HKDC1: variants seen among roughly 807,000 people sequenced by gnomAD.
HKDC1 encodes hexokinase domain containing 1, also known as hexokinase HKDC1.
Under a neutral mutation model 96.6 loss-of-function variants are expected in HKDC1, and 66 were observed. That is an observed-to-expected ratio of 0.68 (90% CI 0.56 to 0.84). The LOEUF is 0.84. HKDC1 is among the 40% of genes least tolerant of loss of function. The pLI, the probability that HKDC1 is intolerant of heterozygous loss-of-function variation, is 0.00. For missense variants in HKDC1, 1,211 were observed against 1,208.1 expected, an observed-to-expected ratio of 1.00 and a Z score of -0.04; for synonymous variants, 466 against 473.1, an observed-to-expected ratio of 0.98 and a Z score of 0.20.
At chr10:69,228,909 GAGAAAGAAGAAAGAAAGGAA>G (rs1295215083) in intron 2 of HKDC1, among the ~76,000 whole-genome samples, 1 of 149,600 alleles carries the variant, frequency 6.7e-6, no homozygotes, top group Admixed American at 6.7e-5. Context: ...AAGAAAGAGA[GAGAAAGAAGAAAGAAAGGAA>G]AGAAAGAAGA....
At chr10:69,235,454 CA>C (rs1843346135) in intron 4 of HKDC1, among the ~76,000 whole-genome samples, 1 of 39,032 alleles carries the variant, frequency 2.6e-5, no homozygotes, top group Non-Finnish European at 4.3e-5. Flanking sequence ...CAACAACAAG[CA>C]AACAAAAAAC....
At chr10:69,239,862 C>T (rs1843428160) in intron 5 of HKDC1, among the ~76,000 whole-genome samples, 3 of 150,974 alleles carry the variant, frequency 2.0e-5, no homozygotes, top group Admixed American at 6.6e-5. Context: ...TCAAATGATC[C>T]TCCCACCTCA....
At chr10:69,248,841 G>C (rs1843589225) in intron 10 of HKDC1, 113 bp downstream of exon 10, 1 of 947,026 alleles carries the variant, frequency 1.1e-6, no homozygotes, top group South Asian at 1.8e-5. Context: ...CTCTAATGGA[G>C]GGCAAGAGTA....
rs1363202796 is a variant in HKDC1 at position 69,220,445 on chromosome 10, G to A, written c.10G>A (p.Val4Ile). 9 of 1,600,130 alleles carry A rather than the reference G, an allele frequency of 5.6e-6. No individual in the cohort carries two copies. The highest frequency in any genetic ancestry group is 7.7e-6 in the Non-Finnish European group (9 of 1,174,038). Reference sequence around the variant, plus strand: ...ACCAAACTTGGGGAAAATGTTTGCGGTCCACTTGATGGCATTTTACTTCAG... The same window carrying A: ...ACCAAACTTGGGGAAAATGTTTGCGATCCACTTGATGGCATTTTACTTCAG... Reference protein sequence around the residue: MFAVHLMAFYFSKL... With the variant: MFAIHLMAFYFSKL... Residue 4 changes from valine to isoleucine, a missense_variant, in exon 1 of 18, where the codon GTC (valine) becomes ATC (isoleucine). Val to Ile is a conservative substitution (Grantham distance 29). Transcript: ENST00000354624.
chr10:69,235,696 A>G (rs565635777), intron 4 of HKDC1, among the ~76,000 whole-genome samples: 2 of 152,334 alleles, frequency 1.3e-5, no homozygotes, highest in African/African-American at 2.4e-5. Flanking sequence ...GTGAGAATTC[A>G]TTCAACTTTA....
In HKDC1 at chr10:69,258,825, G is replaced by A. The variant is rs1344680370; in HGVS notation, c.2082G>A (p.Met694Ile). Reference protein sequence around the residue: ...CYMEDMRNIEMVEGGEGKMCI... With the variant: ...CYMEDMRNIEIVEGGEGKMCI... ...TGGAGGACATGAGGAACATCGAGATGGTGGAGGGGGGTGAAGGGAAGATGT... is the reference window on the plus strand; with the variant it reads ...TGGAGGACATGAGGAACATCGAGATAGTGGAGGGGGGTGAAGGGAAGATGT... The change falls in exon 15 of 18, where the codon ATG becomes ATA. Residue 694 changes from methionine to isoleucine, a missense_variant. Physicochemically the swap from Met to Ile is conservative, Grantham distance 10. Transcript: ENST00000354624. The A allele has an allele frequency of 9.3e-6, 15 of 1,613,978 alleles. No individual in the cohort carries two copies. The highest frequency in any genetic ancestry group is 1.3e-5 in the Non-Finnish European group (15 of 1,180,006).
At chr10:69,231,441 C>T (rs530589775) in intron 2 of HKDC1, among the ~76,000 whole-genome samples, 8 of 152,126 alleles carry the variant, frequency 5.3e-5, no homozygotes, top group Non-Finnish European at 8.8e-5. Flanking sequence ...TCACTCTTAG[C>T]GGATGCTTTC....
At chr10:69,260,910 T>C (rs1188713329) in intron 15 of HKDC1, among the ~76,000 whole-genome samples, 1 of 152,216 alleles carries the variant, frequency 6.6e-6, no homozygotes, top group Non-Finnish European at 1.5e-5. Context: ...TTTTGCTTAG[T>C]GCCCACTGTA....
In HKDC1 at chr10:69,227,379, G is replaced by A. The variant is rs368506496; in HGVS notation, c.226+10G>A. ...ATTCCCGATGGTTCCGGTGAGTGCA[G>A]TTGTCCGCTGCCAGGGTCCCTGGCT... is the stretch of plus-strand genomic sequence containing the variant. On this transcript the variant is annotated intron_variant, in intron 2 of 17. Transcript: ENST00000354624. The A allele has an allele frequency of 7.1e-4, 1,138 of 1,614,090 alleles. 4 individuals carry two copies. The highest frequency in any genetic ancestry group is 1.6e-3 in the South Asian group (149 of 91,084).
In HKDC1 at chr10:69,260,376, G is replaced by A. The variant is rs762568279; in HGVS notation, c.2217-763G>A. Among the ~76,000 whole-genome samples the A allele has an allele frequency of 6.6e-5, 10 of 152,206 alleles. No individual in the cohort carries two copies. The South Asian group carries it at 2.1e-3, about 31-fold the overall frequency. On this transcript the variant is annotated intron_variant, in intron 15 of 17. Transcript: ENST00000354624. Reference sequence around the variant, plus strand: ...CCTTCCCTTTGAATCCCAAGTTGGGGCACCTGAGTGTCATGGCTCTTCCCA... The same window carrying A: ...CCTTCCCTTTGAATCCCAAGTTGGGACACCTGAGTGTCATGGCTCTTCCCA...
At chr10:69,237,984 C>T (rs983650193) in intron 4 of HKDC1, among the ~76,000 whole-genome samples, 1 of 152,226 alleles carries the variant, frequency 6.6e-6, no homozygotes, top group African/African-American at 2.4e-5. Flanking sequence ...TTGGGCGATT[C>T]TCTTTTAACT....
intron 4 of HKDC1, among the ~76,000 whole-genome samples, chr10:69,233,897 C>A (rs866682741): frequency 6.2e-4 from 38 of 61,462 alleles, no homozygotes; most frequent in South Asian, 1.9e-3. Flanking sequence ...GACTCCGTCT[C>A]AAAAAAAAAA....
At chr10:69,257,277 TTCA>T in intron 13 of HKDC1, 47 bp from the exon 14 acceptor site, 2 of 1,551,770 alleles carry the variant, frequency 1.3e-6, no homozygotes, top group Non-Finnish European at 1.8e-6. Flanking sequence ...GGCTTGCACA[TTCA>T]ACTCATAGTA....
rs185399888 is a variant in HKDC1 at position 69,236,039 on chromosome 10, T to A, written c.495+2906T>A. 2.0e-5 allele frequency among the ~76,000 whole-genome samples: 3 copies of A among 151,706 alleles called. 1 individual carries two copies. The highest frequency in any genetic ancestry group is 7.3e-5 in the African/African-American group (3 of 41,330). On this transcript the variant is annotated intron_variant, in intron 4 of 17. Transcript: ENST00000354624. ...AGTAGCCCACCCCAAGTTCATAAGCTCCCCAACTACAGTGCCTTTCCAGAA... is the reference window on the plus strand; with the variant it reads ...AGTAGCCCACCCCAAGTTCATAAGCACCCCAACTACAGTGCCTTTCCAGAA...
Position 69,261,274 on chromosome 10 carries a change from G to T in HKDC1, c.2352G>T (p.Lys784Asn). ...RLRTRGIFET[K>N]FLSQIESDRL... Reference sequence around the variant, plus strand: ...GGACCAGGGGCATCTTCGAAACCAAGTTCCTGTCCCAGATCGAAAGGTGAC... The same window carrying T: ...GGACCAGGGGCATCTTCGAAACCAATTTCCTGTCCCAGATCGAAAGGTGAC... Residue 784 changes from lysine to asparagine, a missense_variant, in exon 16 of 18, where the codon AAG becomes AAT. Coordinates refer to ENST00000354624, the MANE Select transcript of HKDC1 (RefSeq NM_025130.4). 1 of 1,614,070 alleles carries T rather than the reference G, an allele frequency of 6.2e-7. No homozygotes were observed. The highest frequency in any genetic ancestry group is 8.5e-7 in the Non-Finnish European group (1 of 1,179,950).
In HKDC1 at chr10:69,248,599, C is replaced by G. The variant is rs1043037706; in HGVS notation, c.1441C>G (p.Arg481Gly). The change falls in exon 10 of 18, where the codon CGA (arginine) becomes GGA (glycine). Residue 481 changes from arginine (R) to glycine (G), a missense_variant. Arg to Gly is a moderately radical substitution (Grantham distance 125). Transcript: ENST00000354624. ...GGTGCTGGCTTTGTTCCAGCTGACC[C>G]GAGAGCAGCTCGTGGACGTGCAGGC... is the stretch of plus-strand genomic sequence containing the variant. Reference protein sequence around the residue: ...DRVLALFQLTREQLVDVQAKM... With the variant: ...DRVLALFQLTGEQLVDVQAKM... 6.2e-7 allele frequency: 1 copy of G among 1,614,110 alleles called. No individual in the cohort carries two copies. Among genetic ancestry groups the G allele is most frequent in the Non-Finnish European group, 8.5e-7 (1 of 1,180,010 alleles).
At position 69,246,088 on chromosome 10, in the gene HKDC1, G is replaced by T; in HGVS notation, c.885G>T (p.Lys295Asn). ...GTTCACCAACCTGCAGGTTCGAGAA[G>T]ATGATCAGTGGCCTGTACCTGGGGG... is the stretch of plus-strand genomic sequence containing the variant. The part of the protein sequence containing the change: ...SLNPGKQLFE[K>N]MISGLYLGEL... Residue 295 changes from lysine (K) to asparagine (N), a missense_variant, in exon 8 of 18, where the codon AAG becomes AAT. Physicochemically the swap from Lys to Asn is moderately conservative, Grantham distance 94. Transcript: ENST00000354624. The T allele has an allele frequency of 6.2e-7, 1 of 1,614,110 alleles. No individual in the cohort carries two copies. Among genetic ancestry groups the T allele is most frequent in the South Asian group, 1.1e-5 (1 of 91,078 alleles).
chr10:69,248,547 G>A lies in HKDC1; in HGVS notation c.1389G>A (p.Val463=). The part of the protein sequence containing the change: ...AAMVTAVASR[V]QAQRKQIDRV... ...TGGTGACCGCGGTGGCCTCCCGCGT[G>A]CAGGCCCAGCGGAAGCAGATCGACA... is the stretch of plus-strand genomic sequence containing the variant. Residue 463 remains valine (V), a synonymous_variant, in exon 10 of 18, where the codon GTG becomes GTA. Coordinates refer to ENST00000354624, the MANE Select transcript of HKDC1 (RefSeq NM_025130.4). 1 of 1,614,104 alleles carries A rather than the reference G, an allele frequency of 6.2e-7. No individual in the cohort carries two copies. Among genetic ancestry groups the A allele is most frequent in the Non-Finnish European group, 8.5e-7 (1 of 1,180,042 alleles).
At chr10:69,236,756 G>A (rs1843367864) in intron 4 of HKDC1, among the ~76,000 whole-genome samples, 1 of 149,802 alleles carries the variant, frequency 6.7e-6, no homozygotes, top group African/African-American at 2.5e-5. Flanking sequence ...CTCCAGCCTG[G>A]GCAACAAGAG....
Sources: gnomAD v4.1 joint callset for allele counts (sites outside exome capture counted in the v4.1 genomes callset) on GRCh38, gnomAD v4.1.1 for gene constraint, MANE v1.5 for transcripts, NCBI Gene and HGNC (gene_info 2026-07-23, HGNC 2026-07-21) for gene names.